The following LAYN variants were observed in gnomAD, a reference collection of about 807,000 sequenced individuals.
LAYN encodes the protein layilin.
A neutral mutation model predicts 43.6 loss-of-function variants in LAYN; 38 were observed. The ratio of observed to expected loss-of-function variants is 0.87; its 90% confidence interval spans 0.67 to 1.14. The LOEUF is 1.14. Ranked by LOEUF, LAYN falls within the 50% of genes most tolerant of loss-of-function variation. The probability of loss-of-function intolerance (pLI) is 0.00; values close to 1 mark genes in which losing one functional copy is unlikely to be tolerated. For missense variants in LAYN, 479 were observed against 463.8 expected, an observed-to-expected ratio of 1.03 and a Z score of -0.30; for synonymous variants, 168 against 172.9, an observed-to-expected ratio of 0.97 and a Z score of 0.22.
intron 3 of LAYN, chr11:111,551,267 A>G: frequency 2.2e-6 from 1 of 452,984 alleles, no homozygotes; most frequent in Non-Finnish European, 4.4e-6. Flanking sequence ...GGCATGGGGA[A>G]TAAATACTGA....
intron 3 of LAYN, 75 bp from the exon 4 acceptor site, chr11:111,554,486 G>C: frequency 9.0e-7 from 1 of 1,116,534 alleles, no homozygotes. Flanking sequence ...TGGATGCCAT[G>C]AGGCTGTGGT....
At chr11:111,542,661 C>T (rs1206853992) in intron 1 of LAYN, among the ~76,000 whole-genome samples, 6 of 152,318 alleles carry the variant, frequency 3.9e-5, no homozygotes, top group East Asian at 3.9e-4. Context: ...ATTTTACCCC[C>T]GGCACTGTGG....
At chr11:111,541,036 C>A in intron 1 of LAYN, 108 bp downstream of exon 1, 2 of 989,974 alleles carry the variant, frequency 2.0e-6, no homozygotes, top group Non-Finnish European at 2.9e-6. Context: ...AAGGCCGTCC[C>A]ATGCCCCACT....
chr11:111,551,757 G>A (rs2135798580), intron 3 of LAYN, among the ~76,000 whole-genome samples: 1 of 152,172 alleles, frequency 6.6e-6, no homozygotes, highest in East Asian at 1.9e-4. Flanking sequence ...AGTGATCCTG[G>A]GTTGGATCCT....
intron 1 of LAYN, among the ~76,000 whole-genome samples, chr11:111,541,780 G>C (rs577414682): frequency 2.0e-5 from 3 of 152,146 alleles, no homozygotes; most frequent in Non-Finnish European, 2.9e-5. Context: ...GTTTCAGGAT[G>C]GGGGCGGGGC....
At chr11:111,554,356 A>G (rs76235668) in intron 3 of LAYN, among the ~76,000 whole-genome samples, 6,108 of 152,300 alleles carry the variant, frequency 0.04, 211 homozygotes, top group African/African-American at 0.088. Flanking sequence ...AAAAAGCACC[A>G]AAATAAAGCT....
Position 111,544,136 on chromosome 11 carries a change from T to C in LAYN, c.299T>C (p.Leu100Pro), listed in dbSNP as rs1342590027. 6.2e-7 allele frequency: 1 copy of C among 1,614,154 alleles called. No individual in the cohort carries two copies. The highest frequency in any genetic ancestry group is 1.7e-5 in the Admixed American group (1 of 60,020). The change falls in exon 2 of 7, where the codon CTC becomes CCC. Residue 100 changes from leucine to proline, a missense_variant. Transcript: ENST00000375614. ...LPSDGDFWIG[L>P]RRREEKQSNS... ...TCTGATGGTGACTTCTGGATTGGGC[T>C]CAGGAGGCGTGAGGAGAAACAAAGC...
upstream of LAYN, chr11:111,540,455 A>G (rs961060644): frequency 9.6e-5 from 26 of 272,060 alleles, no homozygotes; most frequent in Non-Finnish European, 2.8e-5. Context: ...TGTGCTCGTT[A>G]TCAGATTGCC....
At chr11:111,542,794 G>A (rs1241494331) in intron 1 of LAYN, among the ~76,000 whole-genome samples, 2 of 152,210 alleles carry the variant, frequency 1.3e-5, no homozygotes, top group African/African-American at 4.8e-5. Flanking sequence ...GTGCTCCTGT[G>A]GGTTAGGAAG....
intron 2 of LAYN, among the ~76,000 whole-genome samples, chr11:111,548,282 T>C (rs1319128082): frequency 2.6e-5 from 4 of 152,230 alleles, no homozygotes; most frequent in African/African-American, 4.8e-5. Flanking sequence ...GTTATTACCA[T>C]GTGCACCTGC....
intron 1 of LAYN, among the ~76,000 whole-genome samples, chr11:111,543,589 T>G (rs1182908879): frequency 2.0e-5 from 3 of 152,196 alleles, no homozygotes; most frequent in Admixed American, 6.5e-5. Flanking sequence ...CTAATGAAAG[T>G]GTTATTTGTG....
Position 111,549,653 on chromosome 11 carries a change from A to G in LAYN, c.419A>G (p.Glu140Gly). ...WYVDEPSCGS[E>G]VCVVMYHQPS... ...GTGGATGAGCCATCCTGCGGCAGCG[A>G]GGTCTGCGTGGTCATGTACCATCAG... The change falls in exon 3 of 7, where the codon GAG (glutamate) becomes GGG (glycine). Residue 140 changes from glutamate to glycine, a missense_variant. Physicochemically the swap from Glu to Gly is moderately conservative, Grantham distance 98. Transcript: ENST00000375614. 1 of 1,586,118 alleles carries G rather than the reference A, an allele frequency of 6.3e-7. No individual in the cohort carries two copies. Among genetic ancestry groups the G allele is most frequent in the South Asian group, 1.2e-5 (1 of 85,146 alleles).
intron 5 of LAYN, among the ~76,000 whole-genome samples, chr11:111,556,231 G>A (rs1270400712): frequency 6.6e-6 from 1 of 152,188 alleles, no homozygotes. Flanking sequence ...CACACAGCAG[G>A]ACGTCTGGGA....
chr11:111,560,432 G>T lies in LAYN; in HGVS notation c.1099G>T (p.Val367Leu). ...QMGRSKESGW[V>L]ENEIYGY ...GGGGAGGAGTAAGGAGTCTGGATGGGTGGAAAATGAAATATATGGTTATTA... is the reference window on the plus strand; with the variant it reads ...GGGGAGGAGTAAGGAGTCTGGATGGTTGGAAAATGAAATATATGGTTATTA... Residue 367 changes from valine to leucine, a missense_variant, in exon 7 of 7, where the codon GTG becomes TTG. By Grantham distance (32) the Val-to-Leu change is conservative. Coordinates refer to ENST00000375614, the MANE Select transcript of LAYN (RefSeq NM_178834.5). The T allele has an allele frequency of 1.2e-6, 2 of 1,613,670 alleles. No individual in the cohort carries two copies. Among genetic ancestry groups the T allele is most frequent in the Non-Finnish European group, 1.7e-6 (2 of 1,179,726 alleles).
At chr11:111,544,926 C>T (rs1867622444) in intron 2 of LAYN, among the ~76,000 whole-genome samples, 1 of 151,692 alleles carries the variant, frequency 6.6e-6, no homozygotes, top group Non-Finnish European at 1.5e-5. Flanking sequence ...CCTGAGCAGA[C>T]CGTTTATAAA....
In LAYN at chr11:111,561,529, C is replaced by T. The variant is rs980446250; in HGVS notation, c.*1071C>T. 6.6e-5 allele frequency: 10 copies of T among 152,126 alleles called. No homozygotes were observed. The highest frequency in any genetic ancestry group is 2.2e-4 in the African/African-American group (9 of 41,414). 9.4% of individuals were successfully genotyped at this position (152,126 alleles called of 1,614,324 possible). ...ACAGTTCTACCTTTTGTTGACAGAC[C>T]TCATTGTTTCAATTGTGTTTGGCCT... On this transcript the variant is annotated 3_prime_UTR_variant, in exon 7 of 7. Transcript: ENST00000375614.
chr11:111,543,827 C>T, intron 1 of LAYN, 96 bp from the exon 2 acceptor site: 1 of 1,240,880 alleles, frequency 8.1e-7, no homozygotes, highest in Non-Finnish European at 1.1e-6. Flanking sequence ...AACCAAAATT[C>T]CTACCCAGGG....
At chr11:111,541,634 G>A (rs1867541660) in intron 1 of LAYN, 25 of 1,505,030 alleles carry the variant, frequency 1.7e-5, no homozygotes, top group Non-Finnish European at 2.2e-5. Flanking sequence ...GCATGTCGGG[G>A]GGAGAACATC....
chr11:111,555,353 T>C (rs1867818485), intron 5 of LAYN, 63 bp downstream of exon 5: 1 of 1,187,450 alleles, frequency 8.4e-7, no homozygotes, highest in South Asian at 1.3e-5. Flanking sequence ...AAATTACCCA[T>C]GGTTGAATTC....
Sources: gnomAD v4.1 joint callset for allele counts (sites outside exome capture counted in the v4.1 genomes callset) on GRCh38, gnomAD v4.1.1 for gene constraint, MANE v1.5 for transcripts, NCBI Gene and HGNC (gene_info 2026-07-23, HGNC 2026-07-21) for gene names.